The following CER1 variants were observed in gnomAD, a reference collection of about 807,000 sequenced individuals.
The protein encoded by CER1 is cerberus.
Under a neutral mutation model 11.8 loss-of-function variants are expected in CER1, and 10 were observed. The observed-to-expected ratio is 0.85, with a 90% CI of 0.52 to 1.44. The LOEUF (loss-of-function observed/expected upper bound fraction) is 1.44, where lower values mean the gene tolerates loss of function less well. CER1 is among the 40% of genes most tolerant of loss of function. The pLI, the probability that CER1 is intolerant of heterozygous loss-of-function variation, is 0.00. For synonymous variants in CER1, 141 were observed against 122.3 expected (o/e 1.15, Z -1.01); for missense variants, 431 against 327.0 (o/e 1.32, Z -2.45).
intron 1 of CER1, 107 bp downstream of exon 1, chr9:14,722,058 GT>G (rs1279831024): frequency 1.6e-6 from 2 of 1,287,926 alleles, no homozygotes; most frequent in East Asian, 4.7e-5. Flanking sequence ...CAAATCTGTA[GT>G]TAAGCTAGAG....
rs140434620 is a variant in CER1 at position 14,720,298 on chromosome 9, G to A, written c.596C>T (p.Ala199Val). The change falls in exon 2 of 2, where the codon GCG becomes GTG. Residue 199 changes from alanine to valine, a missense_variant. By Grantham distance (64) the Ala-to-Val change is moderately conservative. Transcript: ENST00000380911. Reference sequence around the variant, plus strand: ...AGAGCAGGAGGTATGGGAGTGCTGCGCGGCTCCAGGAAAATGAACAGACCC... The same window carrying A: ...AGAGCAGGAGGTATGGGAGTGCTGCACGGCTCCAGGAAAATGAACAGACCC... ...KCGSVHFPGA[A>V]QHSHTSCSHC... is the part of the protein sequence containing the mutation. The A allele has an allele frequency of 5.7e-5, 92 of 1,613,948 alleles. No homozygotes were observed. The highest frequency in any genetic ancestry group is 1.5e-4 in the South Asian group (14 of 91,070).
chr9:14,717,882 C>T (rs1379943561), downstream of CER1, among the ~76,000 whole-genome samples: 1 of 152,156 alleles, frequency 6.6e-6, no homozygotes, highest in African/African-American at 2.4e-5. Flanking sequence ...CCATAAAATA[C>T]AGTGATAACC....
At chr9:14,717,903 A>G (rs12347640), downstream of CER1, among the ~76,000 whole-genome samples, 2,202 of 152,286 alleles carry the variant, frequency 0.014, 21 homozygotes, top group Non-Finnish European at 0.022. Flanking sequence ...TACTTTATAT[A>G]GTTTTTGTGA....
chr9:14,720,260 C>T lies in CER1; in HGVS notation c.634G>A (p.Ala212Thr), dbSNP rs752024589. The T allele has an allele frequency of 2.5e-6, 4 of 1,614,082 alleles. No homozygotes were observed. The highest frequency in any genetic ancestry group is 3.4e-6 in the Non-Finnish European group (4 of 1,180,036). ...GGCAAGTGCATCGTGGTGAACTTGG[C>T]AGGCAAACAGTGAGAGCAGGAGGTA... ...SHTSCSHCLP[A>T]KFTTMHLPLN... The change falls in exon 2 of 2, where the codon GCC becomes ACC. Residue 212 changes from alanine (A) to threonine (T), a missense_variant. Coordinates refer to ENST00000380911, the MANE Select transcript of CER1 (RefSeq NM_005454.3).
chr9:14,717,417 A>T (rs77527700), downstream of CER1, among the ~76,000 whole-genome samples: 8,238 of 152,256 alleles, frequency 0.054, 365 homozygotes, highest in African/African-American at 0.12. Context: ...TTCTCAAAAC[A>T]AATTTAAAAA....
rs781251062 is a variant in CER1 at position 14,722,653 on chromosome 9, T to A, written c.20A>T (p.Gln7Leu). The change falls in exon 1 of 2, where the codon CAG (glutamine) becomes CTG (leucine). Residue 7 changes from glutamine to leucine, a missense_variant. Coordinates refer to ENST00000380911, the MANE Select transcript of CER1 (RefSeq NM_005454.3). ...TCCTAGAGGCAGGAGTACCAGCAGC[T>A]GAAATAAGAGGAGATGCATGCTGTC... MHLLLF[Q>L]LLVLLPLGKT... 5 of 1,601,180 alleles carry A rather than the reference T, an allele frequency of 3.1e-6. No homozygotes were observed. In the Admixed American group the frequency reaches 8.4e-5, roughly 27 times the overall value.
Position 14,722,426 on chromosome 9 carries a change from A to T in CER1, c.247T>A (p.Phe83Ile). The change falls in exon 1 of 2, where the codon TTT becomes ATT. Residue 83 changes from phenylalanine to isoleucine, a missense_variant. Phe to Ile is a conservative substitution (Grantham distance 21). Transcript: ENST00000380911. ...TCAGGCTTCTTCCAGAACCTGCCAA[A>T]TCTGGACAGCATCTTCTCTCTCTGC... is the stretch of plus-strand genomic sequence containing the variant. Reference protein sequence around the residue: ...QRQREKMLSRFGRFWKKPERE... With the variant: ...QRQREKMLSRIGRFWKKPERE... 6.2e-7 allele frequency: 1 copy of T among 1,614,112 alleles called. No individual in the cohort carries two copies. The highest frequency in any genetic ancestry group is 8.5e-7 in the Non-Finnish European group (1 of 1,180,024).
intron 1 of CER1, among the ~76,000 whole-genome samples, 192 bp downstream of exon 1, chr9:14,721,974 C>G (rs1494358): frequency 0.24 from 35,783 of 152,082 alleles, 6,731 homozygotes; most frequent in African/African-American, 0.52. Context: ...AGCATTTCCA[C>G]AATGCCAAGA....
rs893209880 is a variant in CER1, at chr9:14,719,798, A to T, written c.*292T>A. 3 of 321,698 alleles carry T rather than the reference A, an allele frequency of 9.3e-6. No individual in the cohort carries two copies. The highest frequency in any genetic ancestry group is 1.8e-5 in the Non-Finnish European group (3 of 169,406). 19.9% of individuals were successfully genotyped at this position (321,698 alleles called of 1,614,324 possible). ...TCACGGAATATTAGTAGTGGAAAGG[A>T]TTTTAGCAATCATCTAGGTCGGGTC... On this transcript the variant is annotated 3_prime_UTR_variant, in exon 2 of 2. Coordinates refer to ENST00000380911, the MANE Select transcript of CER1 (RefSeq NM_005454.3).
Position 14,722,609 on chromosome 9 carries a change from C to T in CER1, c.64G>A (p.Asp22Asn). ...LPLGKTTRHQ[D>N]GRQNQSSLSP... ...AGAGAACTCTGATTCTGGCGGCCAT[C>T]CTGGTGCCGTGTGGTCTTTCCTAGA... Residue 22 changes from aspartate (D) to asparagine (N), a missense_variant, in exon 1 of 2, where the codon GAT becomes AAT. Physicochemically the swap from Asp to Asn is conservative, Grantham distance 23. Transcript: ENST00000380911. 1 of 1,609,736 alleles carries T rather than the reference C, an allele frequency of 6.2e-7. No homozygotes were observed. The highest frequency in any genetic ancestry group is 1.3e-5 in the African/African-American group (1 of 75,046).
downstream of CER1, among the ~76,000 whole-genome samples, chr9:14,719,057 T>C (rs1282027543): frequency 6.6e-6 from 1 of 152,236 alleles, no homozygotes; most frequent in Non-Finnish European, 1.5e-5. Flanking sequence ...ATAAAATTTA[T>C]AATACAAAGT....
In CER1 at chr9:14,719,776, C is replaced by T. The variant is rs1330252804; in HGVS notation, c.*314G>A. ...ACCCAAACTTGGAGAAAATGCATCA[C>T]GGAATATTAGTAGTGGAAAGGATTT... is the stretch of plus-strand genomic sequence containing the variant. On this transcript the variant is annotated 3_prime_UTR_variant, in exon 2 of 2. Coordinates refer to ENST00000380911, the MANE Select transcript of CER1 (RefSeq NM_005454.3). 2.4e-5 allele frequency: 6 copies of T among 244,938 alleles called. No individual in the cohort carries two copies. The East Asian group carries it at 3.1e-4, about 13-fold the overall frequency. 15.2% of individuals were successfully genotyped at this position (244,938 alleles called of 1,614,324 possible).
At chr9:14,720,942 C>G (rs1406894211) in intron 1 of CER1, among the ~76,000 whole-genome samples, 1 of 152,188 alleles carries the variant, frequency 6.6e-6, no homozygotes, top group Non-Finnish European at 1.5e-5. Flanking sequence ...ACCTTTACCT[C>G]TCATAACTCC....
intron 1 of CER1, among the ~76,000 whole-genome samples, chr9:14,721,596 T>C (rs1231546205): frequency 6.6e-6 from 1 of 152,194 alleles, no homozygotes; most frequent in Non-Finnish European, 1.5e-5. Context: ...TTTGAGGTTG[T>C]GGGATAGCTT....
Position 14,720,211 on chromosome 9 carries a change from G to C in CER1, c.683C>G (p.Ser228Cys). 1 of 1,614,118 alleles carries C rather than the reference G, an allele frequency of 6.2e-7. No individual in the cohort carries two copies. ...HLPLNCTELS[S>C]VIKVVMLVEE... ...CACCAGCATCACCACCTTGATCACG[G>C]AGGAAAGTTCAGTGCAGTTCAGTGG... Residue 228 changes from serine (S) to cysteine (C), a missense_variant, in exon 2 of 2, where the codon TCC (serine) becomes TGC (cysteine). Transcript: ENST00000380911.
downstream of CER1, among the ~76,000 whole-genome samples, chr9:14,718,873 G>C (rs1587560803): frequency 6.6e-6 from 1 of 152,224 alleles, no homozygotes; most frequent in South Asian, 2.1e-4. Flanking sequence ...AGTCTATGAA[G>C]ACATTCCAGA....
downstream of CER1, chr9:14,719,583 C>CTTCCTTCCTTCCTTCT (rs1311977664): frequency 5.4e-4 from 73 of 135,060 alleles, no homozygotes; most frequent in Middle Eastern, 7.2e-3. Context: ...TCCTTCCTTC[C>CTTCCTTCCTTCCTTCT]TTCCTTCCTT....
chr9:14,719,537 GCCTGCC>G (rs1563779914), downstream of CER1, among the ~76,000 whole-genome samples: 41 of 57,758 alleles, frequency 7.1e-4, no homozygotes, highest in African/African-American at 3.9e-3. Context: ...GTGCCTGCCT[GCCTGCC>G]TGCCTGCCTG....
chr9:14,720,423 A>G, intron 1 of CER1, 37 bp from the exon 2 acceptor site: 2 of 1,569,734 alleles, frequency 1.3e-6, no homozygotes, highest in Non-Finnish European at 1.7e-6. Context: ...GTTATTTTGA[A>G]TTATTTCTTT....
Sources: gnomAD v4.1 joint callset for allele counts (sites outside exome capture counted in the v4.1 genomes callset) on GRCh38, gnomAD v4.1.1 for gene constraint, MANE v1.5 for transcripts, NCBI Gene and HGNC (gene_info 2026-07-23, HGNC 2026-07-21) for gene names.